Variants in MAPK10 observed in about 807,000 individuals in gnomAD.
MAPK10 encodes JNK3 alpha protein kinase.
Under a neutral mutation model 59.3 loss-of-function variants are expected in MAPK10, and 25 were observed. The ratio of observed to expected loss-of-function variants is 0.42; its 90% confidence interval spans 0.31 to 0.59. The LOEUF (loss-of-function observed/expected upper bound fraction) is 0.59. Ranked by LOEUF, MAPK10 falls within the 20% of genes least tolerant of loss-of-function variation. MAPK10 has a pLI of 0.15. For synonymous variants in MAPK10, 190 were observed against 200.5 expected (o/e 0.95, Z 0.44); for missense variants, 351 against 568.9 (o/e 0.62, Z 3.90).
intron 2 of MAPK10, among the ~76,000 whole-genome samples, chr4:86,196,562 A>G (rs1001939350): frequency 1.3e-5 from 2 of 151,918 alleles, no homozygotes; most frequent in African/African-American, 4.8e-5. Context: ...AAGCTCTTTA[A>G]TTAGATCCCA....
At chr4:86,223,923 A>T (rs1000660912) in intron 2 of MAPK10, among the ~76,000 whole-genome samples, 1 of 152,208 alleles carries the variant, frequency 6.6e-6, no homozygotes, top group African/African-American at 2.4e-5. Flanking sequence ...TGTGCCTTTC[A>T]TACCCTCTTG....
intron 2 of MAPK10, among the ~76,000 whole-genome samples, chr4:86,194,842 T>C (rs1292829491): frequency 2.6e-5 from 4 of 151,898 alleles, no homozygotes; most frequent in Non-Finnish European, 5.9e-5. Flanking sequence ...GGAGTAATTA[T>C]ATTAGAGCTT....
chr4:86,256,822 G>A (rs191066288), intron 2 of MAPK10, among the ~76,000 whole-genome samples: 44 of 138,782 alleles, frequency 3.2e-4, no homozygotes, highest in African/African-American at 1.2e-3. Flanking sequence ...CTCACTGCAA[G>A]CTCCGCCTCC....
At chr4:86,336,690 A>G (rs1415987075) in intron 2 of MAPK10, 1 of 150,878 alleles carries the variant, frequency 6.6e-6, no homozygotes, top group Non-Finnish European at 1.5e-5. Context: ...GACCATACCT[A>G]CCATTTAACA....
At chr4:86,266,627 A>G (rs1232477258) in intron 2 of MAPK10, among the ~76,000 whole-genome samples, 1 of 152,186 alleles carries the variant, frequency 6.6e-6, no homozygotes, top group East Asian at 1.9e-4. Flanking sequence ...AAATAAATAA[A>G]TAACAGAAGA....
At chr4:86,122,597 C>A (rs2059438117) in intron 4 of MAPK10, among the ~76,000 whole-genome samples, 2 of 152,122 alleles carry the variant, frequency 1.3e-5, no homozygotes, top group Admixed American at 1.3e-4. Flanking sequence ...CTGGAAGCAA[C>A]ATTTTTGGCA....
At chr4:86,206,714 C>T (rs976994758) in intron 2 of MAPK10, among the ~76,000 whole-genome samples, 11 of 152,130 alleles carry the variant, frequency 7.2e-5, no homozygotes, top group Non-Finnish European at 1.6e-4. Context: ...CCTGTCATTT[C>T]CTGACTTTTT....
chr4:86,351,728 T>G (rs1447328344), intron 2 of MAPK10, among the ~76,000 whole-genome samples: 1 of 151,962 alleles, frequency 6.6e-6, no homozygotes, highest in African/African-American at 2.4e-5. Flanking sequence ...ACTATGTGAT[T>G]GTCAGCAACT....
intron 2 of MAPK10, among the ~76,000 whole-genome samples, chr4:86,250,735 A>C (rs1376427469): frequency 6.6e-6 from 1 of 152,178 alleles, no homozygotes; most frequent in Non-Finnish European, 1.5e-5. Context: ...TGTTGTAAAG[A>C]AGTCATGGAC....
At chr4:86,111,316 G>C (rs1423098344) in intron 4 of MAPK10, among the ~76,000 whole-genome samples, 1 of 152,254 alleles carries the variant, frequency 6.6e-6, no homozygotes, top group African/African-American at 2.4e-5. Context: ...GTTTTCAGGG[G>C]GAGTGCTTCC....
chr4:86,057,069 T>C (rs2044715624), intron 11 of MAPK10, among the ~76,000 whole-genome samples: 1 of 149,096 alleles, frequency 6.7e-6, no homozygotes. Context: ...GTTCAAGCGA[T>C]TCTCCTGCCT....
chr4:86,583,983 T>C (rs1333525405), intron 1 of MAPK10, among the ~76,000 whole-genome samples: 2 of 152,174 alleles, frequency 1.3e-5, no homozygotes, highest in South Asian at 2.1e-4. Context: ...CATAGATGTG[T>C]TTTACTTTTG....
chr4:86,392,589 G>C (rs1742375028), intron 1 of MAPK10, among the ~76,000 whole-genome samples: 1 of 151,810 alleles, frequency 6.6e-6, no homozygotes, highest in Non-Finnish European at 1.5e-5. Flanking sequence ...TAACCTGCCT[G>C]TTCCGGCAAA....
chr4:86,019,918 T>A (rs941739865), intron 13 of MAPK10, among the ~76,000 whole-genome samples: 18 of 152,386 alleles, frequency 1.2e-4, no homozygotes, highest in African/African-American at 4.1e-4. Context: ...ATGATGCTCA[T>A]ATATTTTTTG....
At chr4:86,264,721 T>A (rs2094152107) in intron 2 of MAPK10, among the ~76,000 whole-genome samples, 1 of 152,168 alleles carries the variant, frequency 6.6e-6, no homozygotes, top group Admixed American at 6.5e-5. Flanking sequence ...GGAAACTGAA[T>A]GGTTGAGAAA....
chr4:86,410,820 G>A (rs1564820703), intron 1 of MAPK10, among the ~76,000 whole-genome samples: 1 of 151,484 alleles, frequency 6.6e-6, no homozygotes, highest in East Asian at 2.0e-4. Context: ...CTTGCTAGTG[G>A]TCCATTTTGT....
chr4:86,555,668 C>A (rs1266652786), intron 1 of MAPK10, among the ~76,000 whole-genome samples: 1 of 152,178 alleles, frequency 6.6e-6, no homozygotes, highest in African/African-American at 2.4e-5. Context: ...TTATTTGAAT[C>A]TTTCTTTCCT....
chr4:86,018,440 A>G (rs1293609184), intron 13 of MAPK10, among the ~76,000 whole-genome samples: 1 of 152,130 alleles, frequency 6.6e-6, no homozygotes, highest in Non-Finnish European at 1.5e-5. Context: ...TGGGATCTCC[A>G]AATAAGAACT....
At chr4:86,440,903 G>GT (rs1246590686) in intron 1 of MAPK10, among the ~76,000 whole-genome samples, 14 of 152,072 alleles carry the variant, frequency 9.2e-5, no homozygotes, top group African/African-American at 3.4e-4. Context: ...TTTTCTCTCT[G>GT]TATTTTCTGA....
Sources: allele counts gnomAD v4.1 joint callset (sites outside exome capture counted in the v4.1 genomes callset), GRCh38; gene constraint gnomAD v4.1.1; transcripts MANE v1.5; gene names NCBI Gene and HGNC (gene_info 2026-07-23, HGNC 2026-07-21).